NBDY: variants seen among roughly 807,000 people sequenced by gnomAD.
NBDY encodes negative regulator of P-body association.
chrX:56,782,717 CT>C (rs2069701011), intron 2 of NBDY, among the ~76,000 whole-genome samples: 1 of 111,305 alleles, frequency 9.0e-6, no homozygotes, highest in South Asian at 3.8e-4. Flanking sequence ...CCCGTGTCTC[CT>C]TTTTTTTCAG....
At chrX:56,757,927 A>C (rs778915767) in intron 2 of NBDY, among the ~76,000 whole-genome samples, 4 of 111,450 alleles carry the variant, frequency 3.6e-5, no homozygotes, top group Non-Finnish European at 7.5e-5. Context: ...AGAATCCTCT[A>C]TGAACCTGCT....
intron 2 of NBDY, among the ~76,000 whole-genome samples, chrX:56,811,402 T>G (rs751343021): frequency 8.9e-6 from 1 of 112,098 alleles, no homozygotes; most frequent in Non-Finnish European, 1.9e-5. Flanking sequence ...GGGGGTTTTA[T>G]CTATAAGTCC....
At chrX:56,762,038 T>C (rs750680889) in intron 2 of NBDY, among the ~76,000 whole-genome samples, 3 of 110,974 alleles carry the variant, frequency 2.7e-5, no homozygotes, top group South Asian at 4.0e-4. Flanking sequence ...TATTTGTGGA[T>C]CAAAGCTTTT....
chrX:56,804,958 A>G (rs2069841943), intron 2 of NBDY, among the ~76,000 whole-genome samples: 3 of 112,011 alleles, frequency 2.7e-5, no homozygotes, highest in Non-Finnish European at 5.6e-5. Flanking sequence ...GCTTGTTACA[A>G]GTCTTCCTGG....
intron 2 of NBDY, among the ~76,000 whole-genome samples, chrX:56,811,997 G>A (rs2069889545): frequency 3.6e-5 from 4 of 111,049 alleles, no homozygotes; most frequent in African/African-American, 1.3e-4. Context: ...CCCTTGGCTA[G>A]GAGAGGGAGT....
At chrX:56,733,323 C>A (rs1176157951) in intron 2 of NBDY, among the ~76,000 whole-genome samples, 3 of 109,605 alleles carry the variant, frequency 2.7e-5, no homozygotes, top group Non-Finnish European at 5.7e-5. Context: ...ATTTTTTTTA[C>A]ATCTATAGAC....
intron 2 of NBDY, among the ~76,000 whole-genome samples, chrX:56,744,306 C>T (rs1016051796): frequency 2.9e-4 from 32 of 111,215 alleles, no homozygotes; most frequent in African/African-American, 8.5e-4. Context: ...ATTCTGCAGC[C>T]GTTGGATGAA....
At chrX:56,791,868 C>A (rs182552436) in intron 2 of NBDY, among the ~76,000 whole-genome samples, 1 of 109,017 alleles carries the variant, frequency 9.2e-6, no homozygotes, top group East Asian at 2.9e-4. Flanking sequence ...ATTTTTCCTC[C>A]TCCTCCTCCT....
Position 56,735,038 on chromosome X carries a change from A to T in NBDY, c.*166+2839A>T, listed in dbSNP as rs1284306360. Among the ~76,000 whole-genome samples, 146 of 112,041 alleles carry T rather than the reference A, an allele frequency of 1.3e-3. 11 individuals are homozygous for T. Among genetic ancestry groups the T allele is most frequent in the Non-Finnish European group, 9.4e-5 (5 of 53,229 alleles). ...GCAGTCTAACCCAGAATTAGCTCTG[A>T]ATCACTCTACCATTCTGTCTACAGG... On this transcript the variant is annotated intron_variant, in intron 2 of 2. Transcript: ENST00000374922.
intron 2 of NBDY, among the ~76,000 whole-genome samples, chrX:56,811,743 C>A (rs1406185124): frequency 8.9e-6 from 1 of 111,839 alleles, no homozygotes; most frequent in Non-Finnish European, 1.9e-5. Context: ...CTGGCTTCAG[C>A]CTCCTTTCCA....
chrX:56,783,096 C>T lies in NBDY; in HGVS notation c.*167-34224C>T, dbSNP rs970417079. Among the ~76,000 whole-genome samples the T allele has an allele frequency of 7.1e-5, 8 of 112,923 alleles. 1 individual carries two copies. Among genetic ancestry groups the T allele is most frequent in the African/African-American group, 2.6e-4 (8 of 31,028 alleles). On this transcript the variant is annotated intron_variant, in intron 2 of 2. Coordinates refer to ENST00000374922, the MANE Select transcript of NBDY (RefSeq NM_001348129.2). ...GCACGAAACTGCCCACAATGTCTTC[C>T]ACTCGGGCTGTAAATGGGGCTGTAA...
intron 2 of NBDY, among the ~76,000 whole-genome samples, chrX:56,767,156 C>G (rs2146725976): frequency 8.8e-6 from 1 of 113,688 alleles, no homozygotes; most frequent in South Asian, 3.6e-4. Flanking sequence ...TGCCGTTTTC[C>G]AGTAGCCATG....
intron 2 of NBDY, among the ~76,000 whole-genome samples, chrX:56,811,567 T>A (rs1021012490): frequency 8.9e-6 from 1 of 111,908 alleles, no homozygotes; most frequent in Non-Finnish European, 1.9e-5. Flanking sequence ...AGGGTAAAAC[T>A]GCCTACTTAA....
At chrX:56,735,402 C>G (rs1298453407) in intron 2 of NBDY, among the ~76,000 whole-genome samples, 3 of 112,447 alleles carry the variant, frequency 2.7e-5, no homozygotes, top group African/African-American at 9.7e-5. Flanking sequence ...AGAGGTTGCC[C>G]TATGTAATAT....
intron 2 of NBDY, among the ~76,000 whole-genome samples, chrX:56,738,642 C>T (rs931028541): frequency 1.3e-4 from 14 of 111,594 alleles, no homozygotes; most frequent in African/African-American, 4.6e-4. Flanking sequence ...TACATTTACC[C>T]ATTAACAGCC....
intron 2 of NBDY, among the ~76,000 whole-genome samples, chrX:56,814,638 G>A (rs949829995): frequency 1.8e-5 from 2 of 110,063 alleles, no homozygotes; most frequent in Non-Finnish European, 3.8e-5. Context: ...GACTACAGGT[G>A]CATGCCACCA....
chrX:56,754,347 G>A (rs1474804288), intron 2 of NBDY, among the ~76,000 whole-genome samples: 1 of 111,963 alleles, frequency 8.9e-6, no homozygotes, highest in African/African-American at 3.2e-5. Context: ...CTAACAGACT[G>A]TAAAGACCTA....
In NBDY at chrX:56,807,567, C is replaced by T. The variant is rs769501961; in HGVS notation, c.*167-9753C>T. On this transcript the variant is annotated intron_variant, in intron 2 of 2. Coordinates refer to ENST00000374922, the MANE Select transcript of NBDY (RefSeq NM_001348129.2). Reference sequence around the variant, plus strand: ...GTTGGATTCCTAGGGATTTTATTCTCTTTGTAGTAATTGTGAATGGGAGTT... The same window carrying T: ...GTTGGATTCCTAGGGATTTTATTCTTTTTGTAGTAATTGTGAATGGGAGTT... Among the ~76,000 whole-genome samples, 4 of 111,272 alleles carry T rather than the reference C, an allele frequency of 3.6e-5. No individual in the cohort carries two copies. The East Asian group carries it at 1.1e-3, about 31-fold the overall frequency.
In NBDY at chrX:56,785,099, A is replaced by T. The variant is rs1052147661; in HGVS notation, c.*167-32221A>T. ...TCATGAGAGTGTGAACCACTCTCAC[A>T]AGAGGAACATCAATCTCGGGTGTGG... is the stretch of plus-strand genomic sequence containing the variant. On this transcript the variant is annotated intron_variant, in intron 2 of 2. Coordinates refer to ENST00000374922, the MANE Select transcript of NBDY (RefSeq NM_001348129.2). Among the ~76,000 whole-genome samples the T allele has an allele frequency of 5.4e-5, 6 of 111,306 alleles. No homozygotes were observed. The Admixed American group carries it at 5.7e-4, about 11-fold the overall frequency.
Sources: gnomAD v4.1 joint callset for allele counts (sites outside exome capture counted in the v4.1 genomes callset) on GRCh38, gnomAD v4.1.1 for gene constraint, MANE v1.5 for transcripts, NCBI Gene and HGNC (gene_info 2026-07-23, HGNC 2026-07-21) for gene names.